The following CLRN2 variants were observed in gnomAD, a reference collection of about 807,000 sequenced individuals.
CLRN2 encodes the protein clarin-2.
Under a neutral mutation model 20.1 loss-of-function variants are expected in CLRN2, and 17 were observed. The observed-to-expected ratio is 0.85, with a 90% CI of 0.58 to 1.27. The LOEUF (loss-of-function observed/expected upper bound fraction) is 1.27, where lower values mean the gene tolerates loss of function less well. Ranked by LOEUF, CLRN2 falls within the 50% of genes most tolerant of loss-of-function variation. The probability of loss-of-function intolerance (pLI) is 0.00; values close to 1 mark genes in which losing one functional copy is unlikely to be tolerated. For synonymous variants in CLRN2, 140 were observed against 126.9 expected (o/e 1.10, Z -0.70); for missense variants, 288 against 299.5 (o/e 0.96, Z 0.28).
At chr4:17,518,979 TA>T (rs760934427) in intron 1 of CLRN2, among the ~76,000 whole-genome samples, 2 of 152,202 alleles carry the variant, frequency 1.3e-5, no homozygotes, top group Non-Finnish European at 2.9e-5. Context: ...ATAATTTCTT[TA>T]AAAGCACCTA....
rs1711631284 is a variant in CLRN2, at chr4:17,515,348, C to T, written c.82C>T (p.Leu28=). Residue 28 remains leucine, a synonymous_variant, in exon 1 of 3, where the codon CTG becomes TTG. Coordinates refer to ENST00000511148, the MANE Select transcript of CLRN2 (RefSeq NM_001079827.2). ...CTCCTTCATCCTGATCATCGTTGCC[C>T]TGGTAGTGCCCCACTGGCTGAGTGG... ...FSSFILIIVA[L]VVPHWLSGKI... is the part of the protein sequence containing the mutation. 1 of 1,614,008 alleles carries T rather than the reference C, an allele frequency of 6.2e-7. No individual in the cohort carries two copies. The highest frequency in any genetic ancestry group is 8.5e-7 in the Non-Finnish European group (1 of 1,179,898).
intron 1 of CLRN2, among the ~76,000 whole-genome samples, chr4:17,521,038 T>TAAATAAAA (rs1711826714): frequency 6.6e-6 from 1 of 152,100 alleles, no homozygotes; most frequent in African/African-American, 2.4e-5. Flanking sequence ...AATAAATAAA[T>TAAATAAAA]ATCAGCACAA....
intron 1 of CLRN2, among the ~76,000 whole-genome samples, chr4:17,518,788 A>G (rs1711760346): frequency 1.3e-5 from 2 of 152,042 alleles, no homozygotes; most frequent in African/African-American, 4.8e-5. Context: ...AGGAAAAAGA[A>G]AGAAAAATTT....
Position 17,515,509 on chromosome 4 carries a change from C to T in CLRN2, c.243C>T (p.Ser81=), listed in dbSNP as rs768031134. ...VRQCGLGGRQ[S]QFTIFPHLVK... ...AGTGTGGGCTTGGGGGCCGCCAATCCCAATTCACGAGTGAGTATATTGGGA... is the reference window on the plus strand; with the variant it reads ...AGTGTGGGCTTGGGGGCCGCCAATCTCAATTCACGAGTGAGTATATTGGGA... The change falls in exon 1 of 3, where the codon TCC becomes TCT. Residue 81 remains serine (S), a synonymous_variant. Coordinates refer to ENST00000511148, the MANE Select transcript of CLRN2 (RefSeq NM_001079827.2). 1.2e-6 allele frequency: 2 copies of T among 1,613,800 alleles called. No individual in the cohort carries two copies. The highest frequency in any genetic ancestry group is 2.2e-5 in the South Asian group (2 of 91,062).
At chr4:17,525,175 T>A (rs1464937349) in intron 2 of CLRN2, among the ~76,000 whole-genome samples, 2 of 152,158 alleles carry the variant, frequency 1.3e-5, no homozygotes, top group Non-Finnish European at 2.9e-5. Context: ...CACTTTATAA[T>A]ATCAAAAAAT....
intron 2 of CLRN2, 47 bp from the exon 3 acceptor site, chr4:17,526,770 A>C (rs751646459): frequency 6.2e-7 from 1 of 1,606,770 alleles, no homozygotes; most frequent in South Asian, 1.1e-5. Flanking sequence ...CCTCTTACAG[A>C]GTTGCAAAAA....
intron 1 of CLRN2, among the ~76,000 whole-genome samples, chr4:17,518,232 G>A (rs1368226300): frequency 1.3e-5 from 2 of 152,080 alleles, no homozygotes; most frequent in Admixed American, 6.5e-5. Context: ...AAATTCCCAC[G>A]CCAATCATGG....
intron 1 of CLRN2, among the ~76,000 whole-genome samples, chr4:17,519,909 A>G (rs979448661): frequency 6.6e-6 from 1 of 152,124 alleles, no homozygotes; most frequent in African/African-American, 2.4e-5. Context: ...GAGCCTTGCT[A>G]TGTTGCCCAG....
At chr4:17,526,069 C>T (rs1427944265) in intron 2 of CLRN2, among the ~76,000 whole-genome samples, 1 of 152,178 alleles carries the variant, frequency 6.6e-6, no homozygotes, top group Non-Finnish European at 1.5e-5. Context: ...GTTTTCCCCT[C>T]CCTCCTTTCC....
At chr4:17,521,159 C>G (rs1711828835) in intron 1 of CLRN2, among the ~76,000 whole-genome samples, 1 of 152,068 alleles carries the variant, frequency 6.6e-6, no homozygotes, top group African/African-American at 2.4e-5. Flanking sequence ...TTTACAAAGA[C>G]AAACTCACTG....
chr4:17,519,128 G>T (rs1711772256), intron 1 of CLRN2, among the ~76,000 whole-genome samples: 1 of 152,198 alleles, frequency 6.6e-6, no homozygotes, highest in Non-Finnish European at 1.5e-5. Context: ...GGGGCGAAAA[G>T]GACTGCCAGA....
intron 1 of CLRN2, 119 bp downstream of exon 1, chr4:17,515,638 G>A (rs1711649223): frequency 8.8e-7 from 1 of 1,137,964 alleles, no homozygotes. Flanking sequence ...TAATGTCAAA[G>A]TCCACAGTGA....
In CLRN2 at chr4:17,527,004, G is replaced by T. The variant is rs142972921; in HGVS notation, c.621G>T (p.Ala207=). The part of the protein sequence containing the change: ...SAHAANLVVV[A]ISQIPLPEIK... ...ATGCTGCAAACTTGGTCGTGGTGGC[G>T]ATCAGTCAAATTCCCCTCCCTGAGA... is the stretch of plus-strand genomic sequence containing the variant. The change falls in exon 3 of 3, where the codon GCG becomes GCT. Residue 207 remains alanine (A), a synonymous_variant. Coordinates refer to ENST00000511148, the MANE Select transcript of CLRN2 (RefSeq NM_001079827.2). 5.0e-6 allele frequency: 8 copies of T among 1,613,996 alleles called. No individual in the cohort carries two copies. The highest frequency in any genetic ancestry group is 1.6e-4 in the Middle Eastern group (1 of 6,062).
chr4:17,515,496 G>A lies in CLRN2; in HGVS notation c.230G>A (p.Gly77Glu). Residue 77 changes from glycine (G) to glutamate (E), a missense_variant, in exon 1 of 3, where the codon GGG becomes GAG. Coordinates refer to ENST00000511148, the MANE Select transcript of CLRN2 (RefSeq NM_001079827.2). ...RGCKVRQCGL[G>E]GRQSQFTIFP... is the part of the protein sequence containing the mutation. Reference sequence around the variant, plus strand: ...TGTAAAGTGCGGCAGTGTGGGCTTGGGGGCCGCCAATCCCAATTCACGAGT... The same window carrying A: ...TGTAAAGTGCGGCAGTGTGGGCTTGAGGGCCGCCAATCCCAATTCACGAGT... 1 of 1,613,890 alleles carries A rather than the reference G, an allele frequency of 6.2e-7. No homozygotes were observed. The highest frequency in any genetic ancestry group is 8.5e-7 in the Non-Finnish European group (1 of 1,179,840).
intron 2 of CLRN2, 21 bp downstream of exon 2, chr4:17,523,064 A>G: frequency 6.3e-7 from 1 of 1,589,506 alleles, no homozygotes; most frequent in Non-Finnish European, 8.6e-7. Flanking sequence ...CCTTAGGGAG[A>G]GAAAATTATG....
At chr4:17,521,275 C>A (rs1711830771) in intron 1 of CLRN2, among the ~76,000 whole-genome samples, 2 of 152,144 alleles carry the variant, frequency 1.3e-5, no homozygotes, top group Admixed American at 1.3e-4. Flanking sequence ...TCAGAACGCA[C>A]AATGTAAACG....
At chr4:17,522,729 G>C in intron 1 of CLRN2, 135 bp from the exon 2 acceptor site, 1 of 816,592 alleles carries the variant, frequency 1.2e-6, no homozygotes. Flanking sequence ...AAAGTCTCCC[G>C]CTGTTTGAAA....
At chr4:17,521,468 A>G (rs1224854975) in intron 1 of CLRN2, among the ~76,000 whole-genome samples, 1 of 152,266 alleles carries the variant, frequency 6.6e-6, no homozygotes, top group Non-Finnish European at 1.5e-5. Context: ...AGGAATGAGT[A>G]TGCTCAGAAG....
At chr4:17,521,778 A>T (rs1000784977) in intron 1 of CLRN2, among the ~76,000 whole-genome samples, 3 of 152,232 alleles carry the variant, frequency 2.0e-5, no homozygotes, top group Non-Finnish European at 2.9e-5. Flanking sequence ...ATTGGTGGAT[A>T]CAGCTGAACC....
Sources: gnomAD v4.1 joint callset for allele counts (sites outside exome capture counted in the v4.1 genomes callset) on GRCh38, gnomAD v4.1.1 for gene constraint, MANE v1.5 for transcripts, NCBI Gene and HGNC (gene_info 2026-07-23, HGNC 2026-07-21) for gene names.